Variants in ETV1 observed in about 807,000 individuals in gnomAD.
ETV1 encodes ETS variant transcription factor 1.
In ETV1, 27 loss-of-function variants were observed where a neutral mutation model predicts 62.3. That is an observed-to-expected ratio of 0.43 (90% CI 0.32 to 0.60). The LOEUF (loss-of-function observed/expected upper bound fraction) is 0.60, where lower values mean the gene tolerates loss of function less well. ETV1 is among the 20% of genes least tolerant of loss of function. The pLI is 0.06. For synonymous variants in ETV1, 222 were observed against 199.6 expected (o/e 1.11, Z -0.94); for missense variants, 605 against 605.8 (o/e 1.00, Z 0.01).
intron 6 of ETV1, among the ~76,000 whole-genome samples, chr7:13,945,120 G>C (rs1297108754): frequency 1.3e-5 from 2 of 152,138 alleles, no homozygotes; most frequent in Non-Finnish European, 2.9e-5. Context: ...ACAGCAGCTC[G>C]AGAAAATTAA....
At chr7:13,990,369 G>A (rs1782941796), upstream of ETV1, 1 of 152,252 alleles carries the variant, frequency 6.6e-6, no homozygotes, top group Non-Finnish European at 1.5e-5. Context: ...GAGGACAACA[G>A]AGCAAGCTAG....
In ETV1 at chr7:13,892,217, A is replaced by C; in HGVS notation, c.*3649T>G. 4.3e-6 allele frequency: 1 copy of C among 232,596 alleles called. No individual in the cohort carries two copies. Among genetic ancestry groups the C allele is most frequent in the Non-Finnish European group, 8.5e-6 (1 of 117,724 alleles). The allele number at this position is 232,596 out of a possible 1,614,324, so 14.4% of individuals were successfully genotyped here. A position where few individuals can be genotyped will look rare whatever the true frequency, so the allele number is the denominator to read the frequency against. The stretch of plus-strand genomic sequence containing the variant: ...TATTAAAAAATAAAATCTGGATTAG[A>C]CCACTGATTTAACTGTTATTACTAT... On this transcript the variant is annotated 3_prime_UTR_variant, in exon 14 of 14. Coordinates refer to ENST00000430479, the MANE Select transcript of ETV1 (RefSeq NM_004956.5).
At chr7:13,940,402 T>A (rs1787352646) in intron 6 of ETV1, among the ~76,000 whole-genome samples, 1 of 151,832 alleles carries the variant, frequency 6.6e-6, no homozygotes, top group Non-Finnish European at 1.5e-5. Context: ...AAAAAAAAGC[T>A]ATATATTTTT....
At chr7:13,922,397 T>A (rs1562619629) in intron 9 of ETV1, among the ~76,000 whole-genome samples, 3 of 152,150 alleles carry the variant, frequency 2.0e-5, no homozygotes, top group Non-Finnish European at 4.4e-5. Context: ...ATACAATTTT[T>A]AAAAAATAAC....
chr7:13,910,250 TGTAAG>T (rs1783430755), intron 10 of ETV1, among the ~76,000 whole-genome samples: 1 of 140,482 alleles, frequency 7.1e-6, no homozygotes, highest in Admixed American at 7.2e-5. Flanking sequence ...TTTTTTTTGC[TGTAAG>T]GTAAGTCCAC....
At chr7:13,940,226 A>G (rs1223907840) in intron 6 of ETV1, among the ~76,000 whole-genome samples, 1 of 151,908 alleles carries the variant, frequency 6.6e-6, no homozygotes, top group African/African-American at 2.4e-5. Flanking sequence ...GGCCGGTATG[A>G]TGGCAGGTGC....
chr7:13,941,300 T>C (rs1209868468), intron 6 of ETV1, among the ~76,000 whole-genome samples: 4 of 152,192 alleles, frequency 2.6e-5, no homozygotes, highest in Non-Finnish European at 5.9e-5. Flanking sequence ...GTTAATTTTG[T>C]TGGATGTGAC....
At chr7:13,950,883 T>C (rs932147890) in intron 6 of ETV1, among the ~76,000 whole-genome samples, 12 of 146,700 alleles carry the variant, frequency 8.2e-5, no homozygotes, top group Non-Finnish European at 1.8e-4. Context: ...AAATCCAAAC[T>C]GCTGGCTTCT....
At chr7:13,966,414 C>T (rs931846714) in intron 6 of ETV1, among the ~76,000 whole-genome samples, 2 of 152,092 alleles carry the variant, frequency 1.3e-5, no homozygotes, top group Non-Finnish European at 2.9e-5. Context: ...GGGAGGATTG[C>T]TTGGTCTCAG....
intron 6 of ETV1, among the ~76,000 whole-genome samples, chr7:13,954,535 T>C (rs1318090554): frequency 6.6e-6 from 1 of 152,246 alleles, no homozygotes; most frequent in Non-Finnish European, 1.5e-5. Flanking sequence ...GAAAGGATCT[T>C]TCAATCTCAG....
chr7:13,910,855 T>G (rs1339993984), intron 10 of ETV1, among the ~76,000 whole-genome samples: 1 of 152,198 alleles, frequency 6.6e-6, no homozygotes, highest in Admixed American at 6.5e-5. Flanking sequence ...GGTGAAAACC[T>G]TTAAATCGAT....
At chr7:13,938,586 A>T (rs1583707059) in intron 7 of ETV1, among the ~76,000 whole-genome samples, 1 of 152,240 alleles carries the variant, frequency 6.6e-6, no homozygotes, top group East Asian at 1.9e-4. Context: ...ATAAATGAAC[A>T]ATGCACTTTT....
At chr7:13,909,297 T>C (rs1783310195) in intron 11 of ETV1, among the ~76,000 whole-genome samples, 1 of 152,134 alleles carries the variant, frequency 6.6e-6, no homozygotes, top group Admixed American at 6.5e-5. Flanking sequence ...CTTTGTTAAT[T>C]ACAGGATCAG....
chr7:13,986,727 C>A, intron 4 of ETV1, 42 bp from the exon 5 acceptor site: 1 of 1,381,656 alleles, frequency 7.2e-7, no homozygotes, highest in East Asian at 2.3e-5. Context: ...ATTTGCAAAT[C>A]TTTAATCTTC....
intron 5 of ETV1, chr7:13,986,158 C>T: frequency 1.3e-6 from 2 of 1,594,520 alleles, no homozygotes; most frequent in Non-Finnish European, 1.7e-6. Flanking sequence ...AAGACACTTG[C>T]ACTTAAATCT....
chr7:13,931,569 C>T lies in ETV1; in HGVS notation c.735G>A (p.Ala245=), dbSNP rs148018174. 2.1e-5 allele frequency: 34 copies of T among 1,613,978 alleles called. No homozygotes were observed. The African/African-American group carries it at 3.1e-4, about 15-fold the overall frequency. Residue 245 remains alanine, a synonymous_variant, in exon 9 of 14, where the codon GCG becomes GCA. Coordinates refer to ENST00000430479, the MANE Select transcript of ETV1 (RefSeq NM_004956.5). ...VYEHNTMVGS[A]ASQSFPPPLM... is the part of the protein sequence containing the mutation. ...GAGGAGGGGGAAAGCTTTGGCTGGC[C>T]GCACTGCCAACCATGGTGTTGTGTT...
At chr7:13,907,262 C>T (rs1344160411) in intron 11 of ETV1, among the ~76,000 whole-genome samples, 4 of 152,126 alleles carry the variant, frequency 2.6e-5, no homozygotes, top group Non-Finnish European at 5.9e-5. Context: ...ATTAAAGCTA[C>T]TACTTTTTCA....
At chr7:13,912,576 G>T (rs1036943976) in intron 9 of ETV1, among the ~76,000 whole-genome samples, 1 of 152,154 alleles carries the variant, frequency 6.6e-6, no homozygotes, top group Non-Finnish European at 1.5e-5. Flanking sequence ...GGCCCAACTT[G>T]TGAACTCAAA....
At chr7:13,926,257 G>A (rs1785416957) in intron 9 of ETV1, among the ~76,000 whole-genome samples, 1 of 151,970 alleles carries the variant, frequency 6.6e-6, no homozygotes, top group Non-Finnish European at 1.5e-5. Flanking sequence ...TGTGAACATT[G>A]TGTGCTGATA....
Sources: gnomAD v4.1 joint callset for allele counts (sites outside exome capture counted in the v4.1 genomes callset) on GRCh38, gnomAD v4.1.1 for gene constraint, MANE v1.5 for transcripts, NCBI Gene and HGNC (gene_info 2026-07-23, HGNC 2026-07-21) for gene names.